MRPL42: variants seen among roughly 807,000 people sequenced by gnomAD.
The protein encoded by MRPL42 is large ribosomal subunit protein mL42.
A neutral mutation model predicts 17.9 loss-of-function variants in MRPL42; 17 were observed. That is an observed-to-expected ratio of 0.95 (90% CI 0.65 to 1.42). MRPL42 has a LOEUF of 1.42. Among genes scored for constraint, MRPL42 ranks in the 40% most tolerant of loss-of-function variants. MRPL42 has a pLI of 0.00. For synonymous variants in MRPL42, 59 were observed against 54.4 expected, an observed-to-expected ratio of 1.08 and a Z score of -0.37; for missense variants, 177 against 175.2, an observed-to-expected ratio of 1.01 and a Z score of -0.06.
chr12:93,482,247 A>G (rs1305023478), intron 4 of MRPL42, among the ~76,000 whole-genome samples: 1 of 151,998 alleles, frequency 6.6e-6, no homozygotes, highest in Admixed American at 6.6e-5. Context: ...CTTATTTGTT[A>G]TCTTGTGTGG....
intron 2 of MRPL42, among the ~76,000 whole-genome samples, chr12:93,476,511 A>C (rs1880187267): frequency 6.6e-6 from 1 of 152,100 alleles, no homozygotes; most frequent in South Asian, 2.1e-4. Context: ...GGAGTACCCA[A>C]ACACTTTTAT....
chr12:93,485,020 AT>A (rs1389291687), intron 4 of MRPL42, among the ~76,000 whole-genome samples: 2 of 130,026 alleles, frequency 1.5e-5, no homozygotes, highest in Non-Finnish European at 1.6e-5. Flanking sequence ...ATATATATAT[AT>A]ATATATAAAC....
At chr12:93,481,303 C>A (rs1880448471) in intron 4 of MRPL42, among the ~76,000 whole-genome samples, 1 of 152,196 alleles carries the variant, frequency 6.6e-6, no homozygotes, top group South Asian at 2.1e-4. Flanking sequence ...GGAGACGTTA[C>A]TTCCCCAGCA....
At chr12:93,476,211 C>T (rs1288798759) in intron 2 of MRPL42, among the ~76,000 whole-genome samples, 1 of 151,970 alleles carries the variant, frequency 6.6e-6, no homozygotes, top group Non-Finnish European at 1.5e-5. Context: ...TTTTTTGAGA[C>T]AGAGTTTCGC....
intron 4 of MRPL42, among the ~76,000 whole-genome samples, chr12:93,485,009 T>TACAC (rs1366541271): frequency 3.9e-4 from 21 of 54,404 alleles, no homozygotes; most frequent in African/African-American, 5.7e-4. Context: ...TATATATATA[T>TACAC]ATATATATAT....
At chr12:93,501,055 G>C in intron 5 of MRPL42, 121 bp from the exon 6 acceptor site, 1 of 687,470 alleles carries the variant, frequency 1.5e-6, no homozygotes, top group Non-Finnish European at 2.3e-6. Context: ...TGGCTGATAC[G>C]TAGTTTCATT....
intron 5 of MRPL42, among the ~76,000 whole-genome samples, chr12:93,489,200 G>C (rs998345243): frequency 3.0e-4 from 45 of 152,156 alleles, no homozygotes; most frequent in Admixed American, 6.5e-5. Flanking sequence ...AATCAAGTGT[G>C]ATAGAGCCTT....
rs369059460 is a variant in MRPL42, at chr12:93,470,416, G to A, written c.70+1061G>A. ...ATTTCTAAAGTAGACATGTATAGAAGGCAACAGTAGGTTTGCCTTTTTATA... is the reference window on the plus strand; with the variant it reads ...ATTTCTAAAGTAGACATGTATAGAAAGCAACAGTAGGTTTGCCTTTTTATA... On this transcript the variant is annotated intron_variant, in intron 2 of 5. Coordinates refer to ENST00000549982, the MANE Select transcript of MRPL42 (RefSeq NM_014050.4). The A allele has an allele frequency of 5.0e-4, 596 of 1,202,240 alleles. 1 individual carries two copies. Among genetic ancestry groups the A allele is most frequent in the Non-Finnish European group, 5.6e-4 (523 of 934,366 alleles). The allele number at this position is 1,202,240 out of a possible 1,614,324, so 74.5% of individuals were successfully genotyped here. A position where few individuals can be genotyped will look rare whatever the true frequency, so the allele number is the denominator to read the frequency against.
intron 4 of MRPL42, among the ~76,000 whole-genome samples, chr12:93,480,417 G>T (rs60591025): frequency 6.6e-6 from 1 of 151,822 alleles, no homozygotes; most frequent in African/African-American, 2.4e-5. Context: ...CACCGTGCCC[G>T]GCCTTGATTT....
rs576698843 is a variant in MRPL42 at position 93,491,887 on chromosome 12, T to G, written c.383+4227T>G. Among the ~76,000 whole-genome samples, 149 of 152,334 alleles carry G rather than the reference T, an allele frequency of 9.8e-4. 5 individuals are homozygous for G. The South Asian group carries it at 0.03, about 31-fold the overall frequency. ...TGTGGTATTTGGTTTTCTGTTTCTG[T>G]GTTAATTCGCTTAGGATAATGGCTT... On this transcript the variant is annotated intron_variant, in intron 5 of 5. Transcript: ENST00000549982.
At chr12:93,484,979 C>CACATATAT (rs1555201395) in intron 4 of MRPL42, among the ~76,000 whole-genome samples, 1 of 22,472 alleles carries the variant, frequency 4.4e-5, no homozygotes. Context: ...CACACACACA[C>CACATATAT]ATATATATAT....
At chr12:93,472,185 A>G (rs1879941512) in intron 2 of MRPL42, among the ~76,000 whole-genome samples, 1 of 152,180 alleles carries the variant, frequency 6.6e-6, no homozygotes, top group African/African-American at 2.4e-5. Flanking sequence ...TTAACTAAGA[A>G]TTAGGTTACC....
intron 5 of MRPL42, among the ~76,000 whole-genome samples, chr12:93,490,394 A>AAT (rs997429647): frequency 5.3e-5 from 8 of 152,198 alleles, no homozygotes; most frequent in African/African-American, 1.9e-4. Context: ...AGATTATCCC[A>AAT]ATATATATCC....
At chr12:93,486,202 TGAG>T (rs1453381890) in intron 4 of MRPL42, among the ~76,000 whole-genome samples, 1 of 152,144 alleles carries the variant, frequency 6.6e-6, no homozygotes, top group African/African-American at 2.4e-5. Flanking sequence ...TCATGTGTGT[TGAG>T]GAGATAAGAT....
In MRPL42 at chr12:93,491,973, T is replaced by G. The variant is rs564128692; in HGVS notation, c.383+4313T>G. 3.3e-5 allele frequency among the ~76,000 whole-genome samples: 5 copies of G among 152,350 alleles called. No individual in the cohort carries two copies. In the South Asian group the frequency reaches 1.0e-3, roughly 32 times the overall value. On this transcript the variant is annotated intron_variant, in intron 5 of 5. Coordinates refer to ENST00000549982, the MANE Select transcript of MRPL42 (RefSeq NM_014050.4). Reference sequence around the variant, plus strand: ...TTGTTCTTTTTTTATGTCTGTATAGTATTCCATGGTGTATGTGTACCACAT... The same window carrying G: ...TTGTTCTTTTTTTATGTCTGTATAGGATTCCATGGTGTATGTGTACCACAT...
At position 93,503,029 on chromosome 12, in the gene MRPL42, C is replaced by G. The variant is rs1953617986; in HGVS notation, c.*1808C>G. Reference sequence around the variant, plus strand: ...CACCTGCCCTCTGTTCCTCCCCCGTCCCCCAGGGATAAGAACCTGTTATCC... The same window carrying G: ...CACCTGCCCTCTGTTCCTCCCCCGTGCCCCAGGGATAAGAACCTGTTATCC... On this transcript the variant is annotated 3_prime_UTR_variant, in exon 6 of 6. Coordinates refer to ENST00000549982, the MANE Select transcript of MRPL42 (RefSeq NM_014050.4). 6.6e-6 allele frequency: 1 copy of G among 152,186 alleles called. No individual in the cohort carries two copies. Among genetic ancestry groups the G allele is most frequent in the Non-Finnish European group, 1.5e-5 (1 of 68,048 alleles). The allele number at this position is 152,186 out of a possible 1,614,324, so 9.4% of individuals were successfully genotyped here.
At position 93,507,427 on chromosome 12, in the gene MRPL42, C is replaced by G. The variant is rs1953682562; in HGVS notation, c.*6206C>G. The G allele has an allele frequency of 6.6e-6, 1 of 152,098 alleles. No homozygotes were observed. Among genetic ancestry groups the G allele is most frequent in the Non-Finnish European group, 1.5e-5 (1 of 68,004 alleles). 9.4% of individuals were successfully genotyped at this position (152,098 alleles called of 1,614,324 possible). Reference sequence around the variant, plus strand: ...AGTATACCTTAGAAACTTTCAGTTTCTTTTAAGGATTTAATAACTTGCTTA... The same window carrying G: ...AGTATACCTTAGAAACTTTCAGTTTGTTTTAAGGATTTAATAACTTGCTTA... On this transcript the variant is annotated 3_prime_UTR_variant, in exon 6 of 6. Transcript: ENST00000549982.
At chr12:93,480,685 G>A (rs1880416976) in intron 4 of MRPL42, among the ~76,000 whole-genome samples, 1 of 151,722 alleles carries the variant, frequency 6.6e-6, no homozygotes, top group South Asian at 2.1e-4. Flanking sequence ...GGGACTACAG[G>A]CGTGCACTAC....
At position 93,511,776 on chromosome 12, in the gene MRPL42, T is replaced by C. The variant is rs957419218; in HGVS notation, c.*10555T>C. 5.3e-5 allele frequency: 8 copies of C among 152,218 alleles called. No individual in the cohort carries two copies. The highest frequency in any genetic ancestry group is 1.9e-4 in the African/African-American group (8 of 41,460). The allele number at this position is 152,218 out of a possible 1,614,324, so 9.4% of individuals were successfully genotyped here. On this transcript the variant is annotated 3_prime_UTR_variant, in exon 6 of 6. Coordinates refer to ENST00000549982, the MANE Select transcript of MRPL42 (RefSeq NM_014050.4). ...AGTGTGGAATAAATTACTTTGTTAA[T>C]TAATGTGGTTTGAAGCTTTGTAGGA...
Sources: gnomAD v4.1 joint callset for allele counts (sites outside exome capture counted in the v4.1 genomes callset) on GRCh38, gnomAD v4.1.1 for gene constraint, MANE v1.5 for transcripts, NCBI Gene and HGNC (gene_info 2026-07-23, HGNC 2026-07-21) for gene names.